VENTX: variants seen among roughly 807,000 people sequenced by gnomAD.
VENTX encodes VENT homeobox.
Under a neutral mutation model 10.5 loss-of-function variants are expected in VENTX, and 13 were observed. That is an observed-to-expected ratio of 1.23 (90% CI 0.80 to 1.96). The LOEUF is 1.96. Among genes scored for constraint, VENTX ranks in the 30% most tolerant of loss-of-function variants. VENTX has a pLI of 0.00. For missense variants in VENTX, 400 were observed against 341.8 expected, an observed-to-expected ratio of 1.17 and a Z score of -1.34; for synonymous variants, 177 against 150.4, an observed-to-expected ratio of 1.18 and a Z score of -1.29.
intron 1 of VENTX, 72 bp from the exon 2 acceptor site, chr10:133,239,604 C>T (rs1845899887): frequency 7.7e-6 from 12 of 1,567,050 alleles, no homozygotes; most frequent in Non-Finnish European, 9.5e-6. Context: ...CTGTCTTCAC[C>T]TGTTACCCGT....
At chr10:133,238,214 G>T in intron 1 of VENTX, 59 bp downstream of exon 1, 15 of 1,502,440 alleles carry the variant, frequency 1.0e-5, no homozygotes, top group Admixed American at 2.1e-5. Context: ...TGGGGGAGAG[G>T]CCAGGAGCCC....
At chr10:133,238,373 C>G (rs1845882648) in intron 1 of VENTX, among the ~76,000 whole-genome samples, 1 of 152,202 alleles carries the variant, frequency 6.6e-6, no homozygotes, top group Non-Finnish European at 1.5e-5. Context: ...TCCTTGAGCC[C>G]CCGGTGGGCT....
Position 133,240,221 on chromosome 10 carries a change from C to A in VENTX, c.692C>A (p.Thr231Asn). ...CAGCCTCTGGCGTCCCACCCCCCTA[C>A]CCCAGGCCGGCCTTCGCTGGGACCA... ...CGQPLASHPP[T>N]PGRPSLGPAL... The change falls in exon 3 of 3, where the codon ACC becomes AAC. Residue 231 changes from threonine (T) to asparagine (N), a missense_variant. By Grantham distance (65) the Thr-to-Asn change is moderately conservative. Transcript: ENST00000325980. 1.2e-6 allele frequency: 2 copies of A among 1,611,148 alleles called. No homozygotes were observed. The highest frequency in any genetic ancestry group is 1.7e-6 in the Non-Finnish European group (2 of 1,179,536).
At chr10:133,238,224 C>T (rs575120828) in intron 1 of VENTX, 69 bp downstream of exon 1, 15 of 1,482,816 alleles carry the variant, frequency 1.0e-5, no homozygotes, top group African/African-American at 9.8e-5. Flanking sequence ...GCCAGGAGCC[C>T]GGCGGCTGCA....
Position 133,240,432 on chromosome 10 carries a change from G to C in VENTX, c.*126G>C. On this transcript the variant is annotated 3_prime_UTR_variant, in exon 3 of 3. Coordinates refer to ENST00000325980, the MANE Select transcript of VENTX (RefSeq NM_014468.4). ...CCCTGACCCACACAAAGGTTCTGGA[G>C]ATTACTGGAGAATATATATAAATAT... 1 of 982,022 alleles carries C rather than the reference G, an allele frequency of 1.0e-6. No individual in the cohort carries two copies. Among genetic ancestry groups the C allele is most frequent in the East Asian group, 3.0e-5 (1 of 33,848 alleles). 60.8% of individuals were successfully genotyped at this position (982,022 alleles called of 1,614,324 possible).
intron 1 of VENTX, 22 bp downstream of exon 1, chr10:133,238,177 C>T (rs572977792): frequency 3.2e-6 from 5 of 1,564,926 alleles, no homozygotes; most frequent in Non-Finnish European, 4.3e-6. Context: ...TGGGGGGGGT[C>T]CCTTCCTTCC....
rs762374503 is a variant in VENTX, at chr10:133,238,104, A to T, written c.190A>T (p.Lys64Ter). The T allele has an allele frequency of 5.0e-6, 8 of 1,602,632 alleles. No individual in the cohort carries two copies. Among genetic ancestry groups the T allele is most frequent in the Non-Finnish European group, 6.8e-6 (8 of 1,176,144 alleles). ...GGAGCCCCCTCAGGCCGTCAGCATC[A>T]AGGAGGCCGCCGGGTCCTCAAATCT... ...AREPPQAVSI[K>*]EAAGSSNLPA... is the part of the protein sequence containing the mutation. The change falls in exon 1 of 3, where the codon AAG (lysine) becomes TAG (stop). Residue 64 changes from lysine to a stop codon, truncating the protein, a stop_gained. Transcript: ENST00000325980. LOFTEE classifies it high-confidence loss of function.
intron 2 of VENTX, 25 bp from the exon 3 acceptor site, chr10:133,239,905 CCT>C (rs757943533): frequency 1.9e-6 from 3 of 1,610,194 alleles, no homozygotes; most frequent in Non-Finnish European, 1.7e-6. Context: ...TAGTCTCACC[CCT>C]GTTCTGATCT....
In VENTX at chr10:133,240,453, A is replaced by T; in HGVS notation, c.*147A>T. ...TGGAGATTACTGGAGAATATATATA[A>T]ATATATATATGTACGTATATATGTA... On this transcript the variant is annotated 3_prime_UTR_variant, in exon 3 of 3. Coordinates refer to ENST00000325980, the MANE Select transcript of VENTX (RefSeq NM_014468.4). 10 of 607,012 alleles carry T rather than the reference A, an allele frequency of 1.6e-5. No homozygotes were observed. The highest frequency in any genetic ancestry group is 2.2e-5 in the Non-Finnish European group (9 of 408,212). The allele number at this position is 607,012 out of a possible 1,614,324, so 37.6% of individuals were successfully genotyped here. A position where few individuals can be genotyped will look rare whatever the true frequency, so the allele number is the denominator to read the frequency against.
At chr10:133,239,909 T>C (rs9418951) in intron 2 of VENTX, 23 bp from the exon 3 acceptor site, 115,957 of 1,610,222 alleles carry the variant, frequency 0.072, 4,878 homozygotes, top group Admixed American at 0.16. Context: ...CTCACCCCTG[T>C]TCTGATCTTG....
rs1259444775 is a variant in VENTX, at chr10:133,241,698, T to G, written c.*1392T>G. On this transcript the variant is annotated 3_prime_UTR_variant, in exon 3 of 3. Transcript: ENST00000325980. ...CCAGCGAGTTTCACTTTCCCCTTGC[T>G]CGTTTCTCCCTTGTTGTAAGTGTTT... is the stretch of plus-strand genomic sequence containing the variant. 6.6e-6 allele frequency: 1 copy of G among 152,250 alleles called. No individual in the cohort carries two copies. The highest frequency in any genetic ancestry group is 1.9e-4 in the East Asian group (1 of 5,192). The allele number at this position is 152,250 out of a possible 1,614,324, so 9.4% of individuals were successfully genotyped here.
chr10:133,238,178 C>A, intron 1 of VENTX, 23 bp downstream of exon 1: 1 of 1,564,976 alleles, frequency 6.4e-7, no homozygotes, highest in Non-Finnish European at 8.7e-7. Context: ...GGGGGGGGTC[C>A]CTTCCTTCCC....
rs1375689838 is a variant in VENTX, at chr10:133,238,720, A to C, written c.241+565A>C. Among the ~76,000 whole-genome samples, 5 of 152,356 alleles carry C rather than the reference A, an allele frequency of 3.3e-5. No homozygotes were observed. In the East Asian group the frequency reaches 9.6e-4, roughly 29 times the overall value. ...CGCCCAGATGCTCTGTTGTCTGCTG[A>C]GAACAAAGGTTCTCTGCGTTTGTGT... On this transcript the variant is annotated intron_variant, in intron 1 of 2. Transcript: ENST00000325980.
Position 133,240,166 on chromosome 10 carries a change from C to T in VENTX, c.637C>T (p.Leu213=). Residue 213 remains leucine, a synonymous_variant, in exon 3 of 3, where the codon CTG becomes TTG. Transcript: ENST00000325980. ...WGLCQVAQEA[L]ASAGASCCGQ... is the part of the protein sequence containing the mutation. ...TCTCTGCCAAGTGGCACAAGAGGCC[C>T]TGGCATCTGCGGGAGCTTCCTGCTG... is the stretch of plus-strand genomic sequence containing the variant. 6.2e-7 allele frequency: 1 copy of T among 1,609,448 alleles called. No individual in the cohort carries two copies. The highest frequency in any genetic ancestry group is 8.5e-7 in the Non-Finnish European group (1 of 1,179,856).
Position 133,239,723 on chromosome 10 carries a change from G to A in VENTX, c.289G>A (p.Ala97Thr). The change falls in exon 2 of 3, where the codon GCC becomes ACC. Residue 97 changes from alanine (A) to threonine (T), a missense_variant. Ala to Thr is a moderately conservative substitution (Grantham distance 58). Transcript: ENST00000325980. Reference protein sequence around the residue: ...NTLRAPRVRTAFTMEQVRTLE... With the variant: ...NTLRAPRVRTTFTMEQVRTLE... ...CTTGCGGGCCCCCCGTGTCCGCACA[G>A]CCTTCACCATGGAGCAGGTCCGCAC... 6.2e-7 allele frequency: 1 copy of A among 1,611,176 alleles called. No individual in the cohort carries two copies. The highest frequency in any genetic ancestry group is 1.1e-5 in the South Asian group (1 of 91,002).
chr10:133,239,294 C>T (rs973494771), intron 1 of VENTX, among the ~76,000 whole-genome samples: 1 of 152,136 alleles, frequency 6.6e-6, no homozygotes, highest in Non-Finnish European at 1.5e-5. Flanking sequence ...AGACGGAGCC[C>T]GGGACAGGGA....
Position 133,240,228 on chromosome 10 carries a change from C to T in VENTX, c.699C>T (p.Gly233=), listed in dbSNP as rs1247046809. The T allele has an allele frequency of 6.2e-7, 1 of 1,611,306 alleles. No individual in the cohort carries two copies. Among genetic ancestry groups the T allele is most frequent in the Non-Finnish European group, 8.5e-7 (1 of 1,179,646 alleles). Residue 233 remains glycine (G), a synonymous_variant, in exon 3 of 3, where the codon GGC becomes GGT. Coordinates refer to ENST00000325980, the MANE Select transcript of VENTX (RefSeq NM_014468.4). The part of the protein sequence containing the change: ...QPLASHPPTP[G]RPSLGPALST... The stretch of plus-strand genomic sequence containing the variant: ...TGGCGTCCCACCCCCCTACCCCAGG[C>T]CGGCCTTCGCTGGGACCAGCCCTGT...
Position 133,240,493 on chromosome 10 carries a change from TATATATAA to T in VENTX, c.*195_*202del. 4.9e-6 allele frequency: 1 copy of T among 204,934 alleles called. No individual in the cohort carries two copies. Among genetic ancestry groups the T allele is most frequent in the Non-Finnish European group, 9.1e-6 (1 of 109,738 alleles). The allele number at this position is 204,934 out of a possible 1,614,324, so 12.7% of individuals were successfully genotyped here. ...GTATATATGTAAATACACATATACG[TATATATAA>T]ATATATATATACATATGTGTGTGTA... On this transcript the variant is annotated 3_prime_UTR_variant, in exon 3 of 3. Coordinates refer to ENST00000325980, the MANE Select transcript of VENTX (RefSeq NM_014468.4).
At chr10:133,239,287 C>T (rs574595463) in intron 1 of VENTX, among the ~76,000 whole-genome samples, 1 of 151,056 alleles carries the variant, frequency 6.6e-6, no homozygotes, top group East Asian at 1.9e-4. Flanking sequence ...GCTGAGGAGA[C>T]GGAGCCCGGG....
Sources: allele counts gnomAD v4.1 joint callset (sites outside exome capture counted in the v4.1 genomes callset), GRCh38; gene constraint gnomAD v4.1.1; transcripts MANE v1.5; gene names NCBI Gene and HGNC (gene_info 2026-07-23, HGNC 2026-07-21).